The following PCDH7 variants were observed in gnomAD, a reference collection of about 807,000 sequenced individuals.
PCDH7 encodes protocadherin 7.
In PCDH7, 17 loss-of-function variants were observed where a neutral mutation model predicts 58.9. The ratio of observed to expected loss-of-function variants is 0.29; its 90% CI spans 0.20 to 0.43. PCDH7 has a LOEUF of 0.43. Ranked by LOEUF, PCDH7 falls within the 20% of genes least tolerant of loss-of-function variation. The pLI is 1.00. For missense variants in PCDH7, 1,274 were observed against 1,441.0 expected, an observed-to-expected ratio of 0.88 and a Z score of 1.88; for synonymous variants, 664 against 616.4, an observed-to-expected ratio of 1.08 and a Z score of -1.14.
chr4:30,811,235 G>A (rs1726954692), intron 1 of PCDH7, among the ~76,000 whole-genome samples: 1 of 152,066 alleles, frequency 6.6e-6, no homozygotes, highest in South Asian at 2.1e-4. Flanking sequence ...GATAGGAGTT[G>A]GCAAAGATAA....
At chr4:31,092,418 G>A (rs1713374920) in intron 3 of PCDH7, among the ~76,000 whole-genome samples, 1 of 151,882 alleles carries the variant, frequency 6.6e-6, no homozygotes, top group African/African-American at 2.4e-5. Context: ...AGAGAGAATG[G>A]GTTACATTTC....
chr4:30,755,329 T>A (rs2109262848), intron 1 of PCDH7, among the ~76,000 whole-genome samples: 1 of 152,294 alleles, frequency 6.6e-6, no homozygotes, highest in Admixed American at 6.5e-5. Context: ...GCCTTATAAT[T>A]GCTTTTATTG....
intron 1 of PCDH7, among the ~76,000 whole-genome samples, chr4:30,796,180 T>C (rs1326104627): frequency 6.6e-6 from 1 of 152,234 alleles, no homozygotes. Flanking sequence ...TTAGGATTGC[T>C]TTATTTCAGT....
intron 1 of PCDH7, among the ~76,000 whole-genome samples, chr4:30,845,236 A>T (rs1273234061): frequency 1.3e-5 from 2 of 152,202 alleles, no homozygotes; most frequent in African/African-American, 4.8e-5. Flanking sequence ...TTAAAAGGAC[A>T]TTGGTATTTT....
At chr4:30,758,774 T>A (rs78119033) in intron 1 of PCDH7, among the ~76,000 whole-genome samples, 10 of 152,176 alleles carry the variant, frequency 6.6e-5, no homozygotes, top group African/African-American at 9.7e-5. Context: ...CTTTTTTATA[T>A]ACTGCTTAAT....
intron 1 of PCDH7, among the ~76,000 whole-genome samples, chr4:30,818,286 A>G (rs1404271362): frequency 6.6e-6 from 1 of 152,162 alleles, no homozygotes; most frequent in Non-Finnish European, 1.5e-5. Flanking sequence ...CTATTTATTT[A>G]GCTTACTTCT....
intron 3 of PCDH7, among the ~76,000 whole-genome samples, chr4:30,958,438 A>T (rs1164924614): frequency 1.3e-5 from 2 of 152,168 alleles, no homozygotes; most frequent in East Asian, 3.9e-4. Context: ...ATAGCAAAAG[A>T]AATACACCCT....
At chr4:30,921,930 G>A (rs891573854) in intron 2 of PCDH7, among the ~76,000 whole-genome samples, 133 of 151,752 alleles carry the variant, frequency 8.8e-4, no homozygotes, top group African/African-American at 3.1e-3. Context: ...TGTACCCCTG[G>A]CATTATAATC....
chr4:31,069,984 T>C (rs546646824), intron 3 of PCDH7, among the ~76,000 whole-genome samples: 175 of 152,096 alleles, frequency 1.2e-3, no homozygotes, highest in African/African-American at 4.1e-3. Context: ...CCCAAATACT[T>C]TGAGTGCATT....
At chr4:30,999,564 C>T (rs1009992339) in intron 3 of PCDH7, among the ~76,000 whole-genome samples, 4 of 151,918 alleles carry the variant, frequency 2.6e-5, no homozygotes, top group African/African-American at 9.7e-5. Flanking sequence ...GAAGATTATT[C>T]GGCAATATAT....
chr4:31,101,016 C>T (rs909264567), intron 3 of PCDH7, among the ~76,000 whole-genome samples: 1 of 152,038 alleles, frequency 6.6e-6, no homozygotes, highest in East Asian at 1.9e-4. Context: ...TCACCAAAAA[C>T]TTACACAAAA....
chr4:30,748,432 TAGAG>T (rs1718058318), intron 1 of PCDH7, among the ~76,000 whole-genome samples: 1 of 152,156 alleles, frequency 6.6e-6, no homozygotes, highest in Non-Finnish European at 1.5e-5. Flanking sequence ...TACAGGCATT[TAGAG>T]AGAGTCCTCT....
At chr4:30,947,338 A>G (rs1296317412) in intron 2 of PCDH7, among the ~76,000 whole-genome samples, 6 of 152,150 alleles carry the variant, frequency 3.9e-5, no homozygotes, top group Admixed American at 3.9e-4. Flanking sequence ...CTTAATAATA[A>G]CCACAAACTG....
intron 3 of PCDH7, among the ~76,000 whole-genome samples, chr4:31,004,939 C>T (rs188618470): frequency 1.9e-4 from 29 of 152,026 alleles, no homozygotes; most frequent in Admixed American, 5.9e-4. Context: ...GTATAAGTAG[C>T]GGTCAAAATG....
chr4:31,023,104 T>C (rs77552104), intron 3 of PCDH7, among the ~76,000 whole-genome samples: 3,372 of 152,294 alleles, frequency 0.022, 42 homozygotes, highest in Non-Finnish European at 0.033. Context: ...CATGTTAGTA[T>C]GGCACTTCTG....
intron 1 of PCDH7, among the ~76,000 whole-genome samples, chr4:30,863,767 A>C (rs1167677917): frequency 6.6e-6 from 1 of 152,102 alleles, no homozygotes; most frequent in East Asian, 1.9e-4. Flanking sequence ...CATCCACACA[A>C]AAAATTCTGC....
intron 1 of PCDH7, among the ~76,000 whole-genome samples, chr4:30,897,264 A>G (rs1739572254): frequency 6.6e-6 from 1 of 152,116 alleles, no homozygotes; most frequent in South Asian, 2.1e-4. Flanking sequence ...GAGACTATAC[A>G]AACATTGAAA....
intron 3 of PCDH7, among the ~76,000 whole-genome samples, chr4:31,042,822 A>G (rs1755991677): frequency 6.6e-6 from 1 of 152,138 alleles, no homozygotes; most frequent in African/African-American, 2.4e-5. Context: ...TTGTTCCTTT[A>G]ACAGAATACT....
At chr4:30,768,720 C>T (rs1254938222) in intron 1 of PCDH7, among the ~76,000 whole-genome samples, 3 of 152,106 alleles carry the variant, frequency 2.0e-5, no homozygotes, top group Non-Finnish European at 2.9e-5. Flanking sequence ...ATCCATGACT[C>T]GGTTTTAAAA....
Sources: allele counts gnomAD v4.1 joint callset (sites outside exome capture counted in the v4.1 genomes callset), GRCh38; gene constraint gnomAD v4.1.1; transcripts MANE v1.5; gene names NCBI Gene and HGNC (gene_info 2026-07-23, HGNC 2026-07-21).